RAET1G: variants seen among roughly 807,000 people sequenced by gnomAD.
RAET1G encodes retinoic acid early transcript 1G, also known as UL-16 binding protein 5.
In RAET1G, 25 loss-of-function variants were observed where a neutral mutation model predicts 29.5. The ratio of observed to expected loss-of-function variants is 0.85; its 90% CI spans 0.62 to 1.18. The LOEUF is 1.18. Ranked by LOEUF, RAET1G falls within the 50% of genes most tolerant of loss-of-function variation. The probability of loss-of-function intolerance (pLI) is 0.00; values close to 1 mark genes in which losing one functional copy is unlikely to be tolerated. For synonymous variants in RAET1G, 167 were observed against 159.5 expected (o/e 1.05, Z -0.36); for missense variants, 434 against 423.6 (o/e 1.02, Z -0.22).
chr6:149,920,788 C>T (rs751511245), intron 1 of RAET1G, among the ~76,000 whole-genome samples: 19 of 152,290 alleles, frequency 1.2e-4, no homozygotes, highest in Non-Finnish European at 2.5e-4. Context: ...GCCCATGGCT[C>T]ATAGAACAAA....
intron 4 of RAET1G, among the ~76,000 whole-genome samples, chr6:149,917,337 C>G (rs1211040803): frequency 6.6e-6 from 1 of 152,174 alleles, no homozygotes; most frequent in African/African-American, 2.4e-5. Context: ...CTAACTCCCC[C>G]GGGGAAAGGG....
In RAET1G at chr6:149,917,077, G is replaced by A. The variant is rs1264044600; in HGVS notation, c.843-3C>T. 6.5e-7 allele frequency: 1 copy of A among 1,542,642 alleles called. No homozygotes were observed. Among genetic ancestry groups the A allele is most frequent in the Admixed American group, 2.0e-5 (1 of 49,288 alleles). ...AGGGGCGCTTCGCTATTTGGTAGCTGAGGCGGAGAGAGAGAGGACAGCTTA... is the reference window on the plus strand; with the variant it reads ...AGGGGCGCTTCGCTATTTGGTAGCTAAGGCGGAGAGAGAGAGGACAGCTTA... On this transcript the variant is annotated splice_region_variant and splice_polypyrimidine_tract_variant and intron_variant, in intron 4 of 4. Coordinates refer to ENST00000367360, the MANE Select transcript of RAET1G (RefSeq NM_001001788.4).
chr6:149,919,829 G>A lies in RAET1G; in HGVS notation c.86-13C>T. Reference sequence around the variant, plus strand: ...AGAGAGTGAGGGTCTGTGGAGAAAGGCAGGTGAGGGGTGGGTGGGGAGGAA... The same window carrying A: ...AGAGAGTGAGGGTCTGTGGAGAAAGACAGGTGAGGGGTGGGTGGGGAGGAA... On this transcript the variant is annotated splice_polypyrimidine_tract_variant and intron_variant, in intron 1 of 4. Coordinates refer to ENST00000367360, the MANE Select transcript of RAET1G (RefSeq NM_001001788.4). The A allele has an allele frequency of 6.2e-7, 1 of 1,612,044 alleles. No homozygotes were observed. Among genetic ancestry groups the A allele is most frequent in the Non-Finnish European group, 8.5e-7 (1 of 1,179,858 alleles).
In RAET1G at chr6:149,918,376, T is replaced by C. The variant is rs11756547; in HGVS notation, c.640A>G (p.Thr214Ala). Residue 214 changes from threonine to alanine, a missense_variant, in exon 4 of 5, where the codon ACC becomes GCC. By Grantham distance (58) the Thr-to-Ala change is moderately conservative. Coordinates refer to ENST00000367360, the MANE Select transcript of RAET1G (RefSeq NM_001001788.4). ...GGTTGGGCTGTGCCTGAGGACATGG[T>C]GGGTGGTGCTGAAATGGAAGCACAA... Reference protein sequence around the residue: ...TLEPSAGAPPTMSSGTAQPRA... With the variant: ...TLEPSAGAPPAMSSGTAQPRA... 2 of 1,613,758 alleles carry C rather than the reference T, an allele frequency of 1.2e-6. No homozygotes were observed. Among genetic ancestry groups the C allele is most frequent in the Non-Finnish European group, 1.7e-6 (2 of 1,179,898 alleles).
Position 149,917,037 on chromosome 6 carries a change from C to T in RAET1G, c.880G>A (p.Val294Met), listed in dbSNP as rs1423207394. The T allele has an allele frequency of 1.4e-5, 22 of 1,549,730 alleles. No individual in the cohort carries two copies. In the East Asian group the frequency reaches 4.4e-4, roughly 31 times the overall value. The change falls in exon 5 of 5, where the codon GTG becomes ATG. Residue 294 changes from valine to methionine, a missense_variant. By Grantham distance (21) the Val-to-Met change is conservative (BLOSUM62 1). Transcript: ENST00000367360. ...ATGATAGGTAAAGTCACGCGAGTCA[C>T]GTGTCCACCAGACAAGGGGCGCTTC... ...IAKRPLSGGHVTRVTLPIIGD... is the reference protein window; with the variant it reads ...IAKRPLSGGHMTRVTLPIIGD...
chr6:149,918,839 G>GAGGAAGAGGAGTCAGGAGGGAGA, intron 3 of RAET1G: 1 of 754,818 alleles, frequency 1.3e-6, no homozygotes, highest in African/African-American at 1.8e-5. Flanking sequence ...CAAGTGCAGT[G>GAGGAAGAGGAGTCAGGAGGGAGA]AGGAAGAGGA....
chr6:149,917,084 A>G lies in RAET1G; in HGVS notation c.843-10T>C, dbSNP rs914949203. On this transcript the variant is annotated splice_polypyrimidine_tract_variant and intron_variant, in intron 4 of 4. Coordinates refer to ENST00000367360, the MANE Select transcript of RAET1G (RefSeq NM_001001788.4). ...CTTCGCTATTTGGTAGCTGAGGCGG[A>G]GAGAGAGAGGACAGCTTACGTCATT... 5 of 1,525,374 alleles carry G rather than the reference A, an allele frequency of 3.3e-6. No individual in the cohort carries two copies. The African/African-American group carries it at 5.6e-5, about 17-fold the overall frequency. The allele number at this position is 1,525,374 out of a possible 1,614,324, so 94.5% of individuals were successfully genotyped here. A position where few individuals can be genotyped will look rare whatever the true frequency, so the allele number is the denominator to read the frequency against.
At chr6:149,918,059 C>T in intron 4 of RAET1G, 115 bp downstream of exon 4, 1 of 913,574 alleles carries the variant, frequency 1.1e-6, no homozygotes, top group South Asian at 1.6e-5. Context: ...TCACCTGTCT[C>T]ATGTTAGGAT....
rs775839827 is a variant in RAET1G at position 149,919,750 on chromosome 6, G to A, written c.152C>T (p.Ala51Val). The change falls in exon 2 of 5, where the codon GCG becomes GTG. Residue 51 changes from alanine (A) to valine (V), a missense_variant. Physicochemically the swap from Ala to Val is moderately conservative, Grantham distance 64. Transcript: ENST00000367360. ...CTTTTCATCCACCTGGCCTTGAACC[G>A]CACACCACCGTGGTCCAGGTCTGAA... ...PKFRPGPRWC[A>V]VQGQVDEKTF... is the part of the protein sequence containing the mutation. The A allele has an allele frequency of 9.3e-6, 15 of 1,612,674 alleles. No homozygotes were observed. Among genetic ancestry groups the A allele is most frequent in the African/African-American group, 6.7e-5 (5 of 74,872 alleles).
intron 1 of RAET1G, among the ~76,000 whole-genome samples, chr6:149,920,783 T>C (rs781579408): frequency 6.6e-6 from 1 of 152,212 alleles, no homozygotes; most frequent in Non-Finnish European, 1.5e-5. Flanking sequence ...GCTATGCCCA[T>C]GGCTCATAGA....
At chr6:149,918,875 G>T in intron 3 of RAET1G, 168 bp downstream of exon 3, 2 of 991,220 alleles carry the variant, frequency 2.0e-6, no homozygotes, top group Non-Finnish European at 1.5e-6. Context: ...GAAGAGGAGG[G>T]TGGGAGAGCA....
Position 149,919,561 on chromosome 6 carries a change from A to G in RAET1G, c.341T>C (p.Ile114Thr), listed in dbSNP as rs571396556. ...GGCCATCTGAAACTTACCCTTGGGT[A>G]TGTAATTCTCCAGCTGAATGTCAAG... The part of the protein sequence containing the change: ...QLLDIQLENY[I>T]PKEPLTLQAR... Residue 114 changes from isoleucine to threonine, a missense_variant, in exon 2 of 5, where the codon ATA (isoleucine) becomes ACA (threonine). Transcript: ENST00000367360. 1.5e-4 allele frequency: 239 copies of G among 1,613,788 alleles called. 3 individuals carry two copies. The South Asian group carries it at 1.8e-3, about 12-fold the overall frequency.
Position 149,922,832 on chromosome 6 carries a change from G to A in RAET1G, c.85+94C>T, listed in dbSNP as rs903595089. ...GGGCGCAGTCCGGGGTGATCGCACG[G>A]GTCCTTCCAGAAGCCTCCCCTCCTC... On this transcript the variant is annotated intron_variant, in intron 1 of 4. Coordinates refer to ENST00000367360, the MANE Select transcript of RAET1G (RefSeq NM_001001788.4). 9.6e-6 allele frequency: 8 copies of A among 833,614 alleles called. No individual in the cohort carries two copies. In the African/African-American group the frequency reaches 1.2e-4, roughly 13 times the overall value. The allele number at this position is 833,614 out of a possible 1,614,324, so 51.6% of individuals were successfully genotyped here.
At position 149,919,676 on chromosome 6, in the gene RAET1G, G is replaced by A. The variant is rs776856031; in HGVS notation, c.226C>T (p.Pro76Ser). 1.2e-6 allele frequency: 2 copies of A among 1,614,020 alleles called. No individual in the cohort carries two copies. The highest frequency in any genetic ancestry group is 1.7e-6 in the Non-Finnish European group (2 of 1,179,882). ...CGSKTVTPVS[P>S]LGKKLNVTTA... ...GTGACATTTAGTTTCTTCCCCAGGG[G>A]ACTGACGGGTGTGACTGTCTTGCTG... Residue 76 changes from proline to serine, a missense_variant, in exon 2 of 5, where the codon CCC becomes TCC. By Grantham distance (74) the Pro-to-Ser change is moderately conservative. Transcript: ENST00000367360.
At chr6:149,918,799 G>T (rs1260287685) in intron 3 of RAET1G, 10 of 638,748 alleles carry the variant, frequency 1.6e-5, no homozygotes, top group Admixed American at 3.0e-5. Context: ...TTCGAGGCTG[G>T]TGAGAAATCC....
At chr6:149,921,570 A>C (rs750840048) in intron 1 of RAET1G, among the ~76,000 whole-genome samples, 1 of 152,204 alleles carries the variant, frequency 6.6e-6, no homozygotes, top group African/African-American at 2.4e-5. Context: ...GGGAAGCTGC[A>C]CAAGCAGTTG....
intron 4 of RAET1G, among the ~76,000 whole-genome samples, chr6:149,917,942 G>A (rs919828024): frequency 6.6e-6 from 1 of 152,160 alleles, no homozygotes; most frequent in Admixed American, 6.5e-5. Flanking sequence ...CCTGAGCCTT[G>A]GTATGGCACC....
rs780461607 is a variant in RAET1G, at chr6:149,919,275, T to A, written c.399A>T (p.Gly133=). The change falls in exon 3 of 5, where the codon GGA becomes GGT. Residue 133 remains glycine, a synonymous_variant. Coordinates refer to ENST00000367360, the MANE Select transcript of RAET1G (RefSeq NM_001001788.4). ...ARMSCEQKAE[G]HGSGSWQLSF... is the part of the protein sequence containing the mutation. Reference sequence around the variant, plus strand: ...TGAGCTGCCAAGATCCACTGCCGTGTCCTTCGGCTTTCTGCTCACAAGACA... The same window carrying A: ...TGAGCTGCCAAGATCCACTGCCGTGACCTTCGGCTTTCTGCTCACAAGACA... 1 of 1,614,120 alleles carries A rather than the reference T, an allele frequency of 6.2e-7. No individual in the cohort carries two copies. Among genetic ancestry groups the A allele is most frequent in the African/African-American group, 1.3e-5 (1 of 74,944 alleles).
At position 149,922,977 on chromosome 6, in the gene RAET1G, G is replaced by A. The variant is rs775235541; in HGVS notation, c.34C>T (p.Arg12Cys). ...AAAASPAFLL[R>C]LPLLLLLSSW... ...GACAGCAGGAGCAGAAGCGGGAGGC[G>A]TAGAAGGAACGCGGGGCTGGCGGCC... The change falls in exon 1 of 5, where the codon CGC (arginine) becomes TGC (cysteine). Residue 12 changes from arginine (R) to cysteine (C), a missense_variant. By Grantham distance (180) the Arg-to-Cys change is radical. Coordinates refer to ENST00000367360, the MANE Select transcript of RAET1G (RefSeq NM_001001788.4). 1 of 1,605,984 alleles carries A rather than the reference G, an allele frequency of 6.2e-7. No homozygotes were observed. Among genetic ancestry groups the A allele is most frequent in the Non-Finnish European group, 8.5e-7 (1 of 1,176,892 alleles).
Sources: gnomAD v4.1 joint callset for allele counts (sites outside exome capture counted in the v4.1 genomes callset) on GRCh38, gnomAD v4.1.1 for gene constraint, MANE v1.5 for transcripts, NCBI Gene and HGNC (gene_info 2026-07-23, HGNC 2026-07-21) for gene names.